Variants in CHN1 observed in about 807,000 individuals in gnomAD.
The protein encoded by CHN1 is N-chimaerin.
A neutral mutation model predicts 59.5 loss-of-function variants in CHN1; 37 were observed. The observed-to-expected ratio is 0.62, with a 90% CI of 0.48 to 0.82. The LOEUF is 0.82. Ranked by LOEUF, CHN1 falls within the 40% of genes least tolerant of loss-of-function variation. The pLI, the probability that CHN1 is intolerant of heterozygous loss-of-function variation, is 0.00. For missense variants in CHN1, 469 were observed against 571.0 expected, an observed-to-expected ratio of 0.82 and a Z score of 1.82; for synonymous variants, 206 against 200.4, an observed-to-expected ratio of 1.03 and a Z score of -0.24.
intron 11 of CHN1, among the ~76,000 whole-genome samples, chr2:174,808,234 GA>G (rs1684963702): frequency 1.3e-5 from 2 of 152,314 alleles, no homozygotes; most frequent in South Asian, 2.1e-4. Context: ...TAATCTGATA[GA>G]AATTTTATGT....
intron 5 of CHN1, among the ~76,000 whole-genome samples, chr2:174,885,705 G>A (rs574733833): frequency 1.2e-4 from 19 of 152,008 alleles, no homozygotes; most frequent in African/African-American, 4.3e-4. Context: ...TCCTGGCTTC[G>A]TGTGACCTGC....
chr2:174,997,461 T>G (rs757466159), intron 1 of CHN1, among the ~76,000 whole-genome samples: 2 of 152,220 alleles, frequency 1.3e-5, no homozygotes, highest in African/African-American at 4.8e-5. Context: ...AATCTTTTCA[T>G]GCTAAAAGAA....
Position 174,799,442 on chromosome 2 carries a change from G to GA in CHN1, c.*673dup, listed in dbSNP as rs1233852028. ...TTAATAAATTAATAAACGCATGCCA[G>GA]AAAAAATACCAAATTACAACTGAAA... On this transcript the variant is annotated 3_prime_UTR_variant, in exon 13 of 13. Coordinates refer to ENST00000409900, the MANE Select transcript of CHN1 (RefSeq NM_001822.7). 4 of 464,578 alleles carry GA rather than the reference G, an allele frequency of 8.6e-6. No individual in the cohort carries two copies. In the Admixed American group the frequency reaches 8.9e-5, roughly 10 times the overall value. 28.8% of individuals were successfully genotyped at this position (464,578 alleles called of 1,614,324 possible). A position where few individuals can be genotyped will look rare whatever the true frequency, so the allele number is the denominator to read the frequency against.
intron 5 of CHN1, among the ~76,000 whole-genome samples, chr2:174,881,691 G>A (rs1687742577): frequency 6.6e-6 from 1 of 152,192 alleles, no homozygotes; most frequent in African/African-American, 2.4e-5. Flanking sequence ...GGCAACACTG[G>A]CTGTACAGGA....
At chr2:174,823,479 T>A (rs545965458) in intron 8 of CHN1, among the ~76,000 whole-genome samples, 95 of 152,128 alleles carry the variant, frequency 6.2e-4, no homozygotes, top group African/African-American at 2.0e-3. Context: ...CTGGCTAACA[T>A]GGTGAAACCC....
intron 5 of CHN1, among the ~76,000 whole-genome samples, chr2:174,911,329 A>G (rs1453220170): frequency 1.3e-5 from 2 of 152,216 alleles, no homozygotes; most frequent in Non-Finnish European, 1.5e-5. Context: ...TTAAACTACA[A>G]CGAATACAAA....
chr2:174,811,803 C>T (rs1685083699), intron 9 of CHN1, among the ~76,000 whole-genome samples: 2 of 152,164 alleles, frequency 1.3e-5, no homozygotes. Flanking sequence ...ATCATTTGGT[C>T]TAATTAAGTG....
chr2:174,891,165 A>AAAAAAAAAAAAAAAC (rs1688037958), intron 5 of CHN1, among the ~76,000 whole-genome samples: 1 of 147,642 alleles, frequency 6.8e-6, no homozygotes, highest in Non-Finnish European at 1.5e-5. Flanking sequence ...AAAAAAAAAA[A>AAAAAAAAAAAAAAAC]GAAAAAAGAA....
intron 5 of CHN1, among the ~76,000 whole-genome samples, chr2:174,881,203 C>CTAGTAA (rs1354613397): frequency 1.3e-5 from 2 of 152,198 alleles, no homozygotes; most frequent in East Asian, 3.9e-4. Context: ...AACTCACTGC[C>CTAGTAA]TAGTAAAACA....
At chr2:174,838,238 C>A (rs1369046267) in intron 7 of CHN1, among the ~76,000 whole-genome samples, 4 of 152,088 alleles carry the variant, frequency 2.6e-5, no homozygotes, top group South Asian at 4.1e-4. Flanking sequence ...GGATTACAGG[C>A]ATGCACCATC....
chr2:174,959,022 T>C (rs151197519), intron 1 of CHN1, among the ~76,000 whole-genome samples: 151 of 152,302 alleles, frequency 9.9e-4, no homozygotes, highest in African/African-American at 3.5e-3. Flanking sequence ...TAAGAAATAT[T>C]AGGGGAAAAG....
chr2:174,813,417 G>C (rs1335167168), intron 8 of CHN1, among the ~76,000 whole-genome samples: 1 of 152,196 alleles, frequency 6.6e-6, no homozygotes, highest in African/African-American at 2.4e-5. Context: ...AGCCCCTAGA[G>C]TCAGTCCCCA....
intron 7 of CHN1, among the ~76,000 whole-genome samples, chr2:174,839,616 T>TTTTTTTA: frequency 6.6e-6 from 1 of 152,012 alleles, no homozygotes; most frequent in African/African-American, 2.4e-5. Flanking sequence ...TTTTTTTTTT[T>TTTTTTTA]TTTTTGACAT....
At chr2:174,832,043 T>A (rs1360635393) in intron 7 of CHN1, among the ~76,000 whole-genome samples, 1 of 152,148 alleles carries the variant, frequency 6.6e-6, no homozygotes, top group Non-Finnish European at 1.5e-5. Context: ...TGTCTTGTGA[T>A]CCACAATTCT....
chr2:174,988,087 C>T (rs1412338842), intron 1 of CHN1, among the ~76,000 whole-genome samples: 3 of 152,058 alleles, frequency 2.0e-5, no homozygotes, highest in Non-Finnish European at 4.4e-5. Context: ...CAGCCAGGCG[C>T]GGTGGCTCAC....
At chr2:174,914,649 C>A (rs543392515) in intron 5 of CHN1, among the ~76,000 whole-genome samples, 2 of 152,072 alleles carry the variant, frequency 1.3e-5, no homozygotes, top group South Asian at 4.2e-4. Flanking sequence ...TCGAGACCAT[C>A]CTGGCCAACA....
Position 174,871,934 on chromosome 2 carries a change from G to A in CHN1, c.549+5906C>T, listed in dbSNP as rs371521168. 8.9e-4 allele frequency among the ~76,000 whole-genome samples: 135 copies of A among 152,238 alleles called. 3 individuals are homozygous for A. In the South Asian group the frequency reaches 0.026, roughly 29 times the overall value. On this transcript the variant is annotated intron_variant, in intron 6 of 12. Coordinates refer to ENST00000409900, the MANE Select transcript of CHN1 (RefSeq NM_001822.7). ...TTTGATAGGAGATAAGTTAGTTCAGGAGACTGAAGAAGAAATGGAGATAAT... is the reference window on the plus strand; with the variant it reads ...TTTGATAGGAGATAAGTTAGTTCAGAAGACTGAAGAAGAAATGGAGATAAT...
chr2:174,919,661 G>T (rs1031126513), intron 3 of CHN1, among the ~76,000 whole-genome samples: 3 of 151,994 alleles, frequency 2.0e-5, no homozygotes, highest in Admixed American at 1.3e-4. Context: ...ACAAATAAAA[G>T]GGGTGTGTGA....
chr2:174,973,026 T>G (rs1690806890), intron 1 of CHN1, among the ~76,000 whole-genome samples: 1 of 152,228 alleles, frequency 6.6e-6, no homozygotes, highest in African/African-American at 2.4e-5. Context: ...ATAGCTTTAC[T>G]AGTGACCCAG....
Sources: gnomAD v4.1 joint callset for allele counts (sites outside exome capture counted in the v4.1 genomes callset) on GRCh38, gnomAD v4.1.1 for gene constraint, MANE v1.5 for transcripts, NCBI Gene and HGNC (gene_info 2026-07-23, HGNC 2026-07-21) for gene names.